Variants in CAMK1D observed in about 807,000 individuals in gnomAD.
The protein encoded by CAMK1D is calcium/calmodulin-dependent protein kinase type 1D.
In CAMK1D, 9 loss-of-function variants were observed where a neutral mutation model predicts 47.7. That is an observed-to-expected ratio of 0.19 (90% CI 0.11 to 0.33). CAMK1D has a LOEUF of 0.33. Ranked by LOEUF, CAMK1D falls within the 10% of genes least tolerant of loss-of-function variation. The pLI, the probability that CAMK1D is intolerant of heterozygous loss-of-function variation, is 1.00. For synonymous variants in CAMK1D, 184 were observed against 184.9 expected (o/e 0.99, Z 0.04); for missense variants, 291 against 488.7 (o/e 0.60, Z 3.81).
intron 1 of CAMK1D, among the ~76,000 whole-genome samples, chr10:12,502,717 C>T (rs1410030150): frequency 2.0e-5 from 3 of 152,166 alleles, no homozygotes; most frequent in Non-Finnish European, 4.4e-5. Context: ...GTCAGCCTGC[C>T]CAGGGCTGGC....
intron 6 of CAMK1D, among the ~76,000 whole-genome samples, chr10:12,801,403 T>TATCC (rs1838470355): frequency 6.8e-6 from 1 of 147,564 alleles, no homozygotes; most frequent in African/African-American, 2.5e-5. Context: ...TCCATCCATC[T>TATCC]GTCCATCTCA....
chr10:12,777,274 C>A (rs1837292727), intron 5 of CAMK1D, among the ~76,000 whole-genome samples: 1 of 151,842 alleles, frequency 6.6e-6, no homozygotes, highest in Non-Finnish European at 1.5e-5. Context: ...TGGCGTGCTC[C>A]CCGTCAGACA....
At chr10:12,387,183 G>A (rs1303832386) in intron 1 of CAMK1D, among the ~76,000 whole-genome samples, 4 of 146,096 alleles carry the variant, frequency 2.7e-5, no homozygotes, top group East Asian at 2.0e-4. Context: ...CAGCCTGGGC[G>A]TCCAAGAGAG....
intron 2 of CAMK1D, among the ~76,000 whole-genome samples, chr10:12,611,395 G>A (rs1306759491): frequency 6.6e-6 from 1 of 151,812 alleles, no homozygotes; most frequent in South Asian, 2.1e-4. Flanking sequence ...CTCTACCCTC[G>A]CCTGGTTTCT....
chr10:12,811,934 C>G (rs1044142833), intron 6 of CAMK1D, among the ~76,000 whole-genome samples: 1 of 152,206 alleles, frequency 6.6e-6, no homozygotes, highest in African/African-American at 2.4e-5. Flanking sequence ...AGCCCTGGCT[C>G]TTGTTCATTT....
At chr10:12,498,103 C>T (rs959064522) in intron 1 of CAMK1D, among the ~76,000 whole-genome samples, 24 of 152,200 alleles carry the variant, frequency 1.6e-4, no homozygotes, top group Admixed American at 3.9e-4. Context: ...TACCTCCCAT[C>T]GGGTCCCTCC....
chr10:12,349,750 C>CCCG lies in CAMK1D; in HGVS notation c.-69_-68insCCG. 1.7e-6 allele frequency: 1 copy of CCCG among 586,136 alleles called. No homozygotes were observed. The highest frequency in any genetic ancestry group is 2.2e-6 in the Non-Finnish European group (1 of 447,382). The allele number at this position is 586,136 out of a possible 1,614,324, so 36.3% of individuals were successfully genotyped here. On this transcript the variant is annotated 5_prime_UTR_variant, in exon 1 of 11. Coordinates refer to ENST00000619168, the MANE Select transcript of CAMK1D (RefSeq NM_153498.4). ...CCGGCATCCCCGCCGCCTCTGCGCC[C>CCCG]GCGCCGCGCCCCCGGCGCCCCCTCC...
intron 5 of CAMK1D, among the ~76,000 whole-genome samples, chr10:12,773,526 T>A (rs577766331): frequency 6.6e-6 from 1 of 152,368 alleles, no homozygotes; most frequent in South Asian, 2.1e-4. Context: ...TTTTTTCAAA[T>A]ATTTTTGATC....
At chr10:12,391,031 C>G (rs909375301) in intron 1 of CAMK1D, among the ~76,000 whole-genome samples, 11 of 152,102 alleles carry the variant, frequency 7.2e-5, no homozygotes, top group Admixed American at 2.0e-4. Flanking sequence ...TCAGTTCTGG[C>G]AAAAACTCCA....
intron 2 of CAMK1D, among the ~76,000 whole-genome samples, chr10:12,631,846 T>G (rs1465448953): frequency 1.3e-5 from 2 of 152,176 alleles, no homozygotes; most frequent in African/African-American, 4.8e-5. Context: ...GGATAGAGCG[T>G]GAGGAAAGCA....
chr10:12,619,227 C>T (rs1406726661), intron 2 of CAMK1D, among the ~76,000 whole-genome samples: 1 of 152,102 alleles, frequency 6.6e-6, no homozygotes, highest in Admixed American at 6.5e-5. Context: ...TTACTGTTAT[C>T]CCTGTTTTTC....
In CAMK1D at chr10:12,502,915, A is replaced by G. The variant is rs896646153; in HGVS notation, c.93-50310A>G. Among the ~76,000 whole-genome samples the G allele has an allele frequency of 2.6e-5, 4 of 152,290 alleles. No homozygotes were observed. In the South Asian group the frequency reaches 8.3e-4, roughly 32 times the overall value. The stretch of plus-strand genomic sequence containing the variant: ...TGCAGTTCACTGCCTTTGCCAGTCC[A>G]GTGTTGCCTTCGCAATGGTGGCGTC... On this transcript the variant is annotated intron_variant, in intron 1 of 10. Coordinates refer to ENST00000619168, the MANE Select transcript of CAMK1D (RefSeq NM_153498.4).
chr10:12,426,006 G>A (rs976643471), intron 1 of CAMK1D, among the ~76,000 whole-genome samples: 5 of 152,176 alleles, frequency 3.3e-5, no homozygotes, highest in African/African-American at 1.2e-4. Flanking sequence ...CCAGGTATAT[G>A]TCACCTCCAG....
intron 3 of CAMK1D, among the ~76,000 whole-genome samples, chr10:12,694,481 A>G (rs1260543724): frequency 7.8e-6 from 1 of 128,008 alleles, no homozygotes; most frequent in African/African-American, 3.0e-5. Context: ...TATAAAATAT[A>G]TATGATATAT....
intron 2 of CAMK1D, among the ~76,000 whole-genome samples, chr10:12,604,742 C>T (rs892258637): frequency 5.3e-5 from 8 of 152,100 alleles, no homozygotes; most frequent in African/African-American, 1.9e-4. Flanking sequence ...CCTGTAGGTG[C>T]CAGGAGCTCC....
intron 2 of CAMK1D, among the ~76,000 whole-genome samples, chr10:12,556,847 T>G (rs965329473): frequency 1.3e-5 from 2 of 152,168 alleles, no homozygotes; most frequent in Admixed American, 6.6e-5. Context: ...ACTCTATGTA[T>G]GTAGGGAGAA....
intron 1 of CAMK1D, among the ~76,000 whole-genome samples, chr10:12,354,250 G>C (rs1261626192): frequency 6.6e-6 from 1 of 152,112 alleles, no homozygotes; most frequent in African/African-American, 2.4e-5. Flanking sequence ...GCTGGACAAG[G>C]CATCGTGGAG....
At chr10:12,683,831 T>C (rs956099331) in intron 3 of CAMK1D, among the ~76,000 whole-genome samples, 5 of 151,916 alleles carry the variant, frequency 3.3e-5, no homozygotes, top group Non-Finnish European at 7.4e-5. Flanking sequence ...ACATTATACC[T>C]TTATTTTCAT....
chr10:12,817,002 C>CA (rs1832825709), intron 8 of CAMK1D, among the ~76,000 whole-genome samples: 1 of 147,288 alleles, frequency 6.8e-6, no homozygotes, highest in African/African-American at 2.5e-5. Context: ...CAAGGAGTAG[C>CA]AAGTCATATC....
Sources: allele counts gnomAD v4.1 joint callset (sites outside exome capture counted in the v4.1 genomes callset), GRCh38; gene constraint gnomAD v4.1.1; transcripts MANE v1.5; gene names NCBI Gene and HGNC (gene_info 2026-07-23, HGNC 2026-07-21).